AP1AR: variants seen among roughly 807,000 people sequenced by gnomAD.
AP1AR encodes the protein AP-1 complex-associated regulatory protein.
Under a neutral mutation model 46.3 loss-of-function variants are expected in AP1AR, and 29 were observed. The ratio of observed to expected loss-of-function variants is 0.63; its 90% CI spans 0.47 to 0.85. The LOEUF is 0.85. AP1AR is among the 40% of genes least tolerant of loss of function. The pLI is 0.00. For missense variants in AP1AR, 357 were observed against 356.3 expected (o/e 1.00, Z -0.02); for synonymous variants, 122 against 122.9 (o/e 0.99, Z 0.05).
chr4:112,250,905 A>G (rs1271321354), intron 1 of AP1AR, among the ~76,000 whole-genome samples: 2 of 152,112 alleles, frequency 1.3e-5, no homozygotes, highest in African/African-American at 4.8e-5. Flanking sequence ...ACTTATATTC[A>G]TGTTTATTAA....
chr4:112,249,258 T>C (rs1448238780), intron 1 of AP1AR, among the ~76,000 whole-genome samples: 3 of 151,188 alleles, frequency 2.0e-5, no homozygotes, highest in Admixed American at 2.0e-4. Context: ...GCCATTGCAC[T>C]CCAGCCTGGG....
intron 4 of AP1AR, among the ~76,000 whole-genome samples, chr4:112,260,445 G>A (rs1350933985): frequency 6.6e-6 from 1 of 152,214 alleles, no homozygotes; most frequent in Non-Finnish European, 1.5e-5. Context: ...TTGGGATATG[G>A]TTTGGGGTAT....
At chr4:112,232,297 G>A in intron 1 of AP1AR, 123 bp downstream of exon 1, 1 of 825,382 alleles carries the variant, frequency 1.2e-6, no homozygotes, top group Non-Finnish European at 1.6e-6. Context: ...TACACTCACT[G>A]CTTAGCAGAC....
At chr4:112,234,119 A>G (rs1260007772) in intron 1 of AP1AR, among the ~76,000 whole-genome samples, 1 of 152,202 alleles carries the variant, frequency 6.6e-6, no homozygotes, top group Non-Finnish European at 1.5e-5. Context: ...TTGGCCTCCC[A>G]AAGTGCTGGG....
intron 9 of AP1AR, among the ~76,000 whole-genome samples, chr4:112,267,043 T>G (rs542168116): frequency 6.6e-6 from 1 of 151,886 alleles, no homozygotes; most frequent in Non-Finnish European, 1.5e-5. Flanking sequence ...ATATAACTTC[T>G]CTTAGAAATA....
At chr4:112,249,180 G>A (rs1389983285) in intron 1 of AP1AR, among the ~76,000 whole-genome samples, 2 of 152,136 alleles carry the variant, frequency 1.3e-5, no homozygotes, top group African/African-American at 4.8e-5. Context: ...TGTAATCCCA[G>A]CTACTCGGGA....
chr4:112,265,852 A>G, intron 8 of AP1AR, 45 bp downstream of exon 8: 1 of 1,246,608 alleles, frequency 8.0e-7, no homozygotes, highest in South Asian at 1.3e-5. Context: ...GCCACAGTAA[A>G]CAGATAAGTA....
At chr4:112,250,482 G>A (rs748277331) in intron 1 of AP1AR, among the ~76,000 whole-genome samples, 24 of 152,180 alleles carry the variant, frequency 1.6e-4, no homozygotes, top group South Asian at 2.1e-4. Flanking sequence ...TTGGCAAAAT[G>A]TCAGTGACTG....
chr4:112,257,611 A>G (rs1168045502), intron 3 of AP1AR, among the ~76,000 whole-genome samples, 161 bp from the exon 4 acceptor site: 1 of 152,216 alleles, frequency 6.6e-6, no homozygotes, highest in African/African-American at 2.4e-5. Flanking sequence ...TTTTGTTTCA[A>G]ATATTTTTAA....
In AP1AR at chr4:112,270,558, A is replaced by G. The variant is rs981650308; in HGVS notation, c.*2149A>G. Among the ~76,000 whole-genome samples, 1 of 152,252 alleles carries G rather than the reference A, an allele frequency of 6.6e-6. No homozygotes were observed. Among genetic ancestry groups the G allele is most frequent in the Non-Finnish European group, 1.5e-5 (1 of 68,040 alleles). ...TTTAAGTTTTAGTTGTTAACTTGTT[A>G]ATTGTTTACTTGGCTAAAACCTAAT... is the stretch of plus-strand genomic sequence containing the variant. On this transcript the variant is annotated 3_prime_UTR_variant, in exon 10 of 10. Transcript: ENST00000274000.
intron 8 of AP1AR, 126 bp from the exon 9 acceptor site, chr4:112,266,462 T>C (rs1293027546): frequency 7.9e-5 from 77 of 971,896 alleles, no homozygotes; most frequent in Middle Eastern, 3.3e-4. Flanking sequence ...ATTTCCAGAA[T>C]TATTTCTTAT....
intron 1 of AP1AR, among the ~76,000 whole-genome samples, chr4:112,248,991 C>T (rs954439801): frequency 3.9e-5 from 6 of 152,234 alleles, no homozygotes; most frequent in African/African-American, 1.2e-4. Flanking sequence ...CTTGACCACC[C>T]TACATAAAAT....
At chr4:112,244,298 A>T (rs1457879009) in intron 1 of AP1AR, among the ~76,000 whole-genome samples, 2 of 152,294 alleles carry the variant, frequency 1.3e-5, no homozygotes, top group East Asian at 1.9e-4. Flanking sequence ...AGCAATTTTA[A>T]TGGAAGAGCA....
At chr4:112,265,136 C>A in intron 7 of AP1AR, 69 bp downstream of exon 7, 1 of 1,246,958 alleles carries the variant, frequency 8.0e-7, no homozygotes. Flanking sequence ...GAGCATCATT[C>A]ACCTCAAGAT....
chr4:112,260,055 A>C (rs148099380), intron 4 of AP1AR, among the ~76,000 whole-genome samples: 1 of 152,192 alleles, frequency 6.6e-6, no homozygotes, highest in Non-Finnish European at 1.5e-5. Context: ...TAAAAGGACT[A>C]CTGCTGGGGT....
At chr4:112,234,909 A>T (rs550687445) in intron 1 of AP1AR, among the ~76,000 whole-genome samples, 1 of 152,292 alleles carries the variant, frequency 6.6e-6, no homozygotes, top group South Asian at 2.1e-4. Context: ...TACCCCTGAG[A>T]AATCTGAAAA....
At position 112,269,093 on chromosome 4, in the gene AP1AR, G is replaced by GATATATATATATATAT. The variant is rs60391724; in HGVS notation, c.*687_*702dup. 2.1e-5 allele frequency: 3 copies of GATATATATATATATAT among 146,154 alleles called. No homozygotes were observed. Among genetic ancestry groups the GATATATATATATATAT allele is most frequent in the East Asian group, 2.0e-4 (1 of 5,062 alleles). The allele number at this position is 146,154 out of a possible 1,614,324, so 9.1% of individuals were successfully genotyped here. On this transcript the variant is annotated 3_prime_UTR_variant, in exon 10 of 10. Transcript: ENST00000274000. ...AATAATAAAAAATAATATTTAAGAA[G>GATATATATATATATAT]ATATATATATATATATATTTAGTTT...
At chr4:112,247,174 A>T (rs558657788) in intron 1 of AP1AR, among the ~76,000 whole-genome samples, 25 of 152,302 alleles carry the variant, frequency 1.6e-4, no homozygotes, top group African/African-American at 6.0e-4. Context: ...ATATGTATGT[A>T]TTGGTAGTAA....
chr4:112,232,571 C>G (rs1189407903), intron 1 of AP1AR, among the ~76,000 whole-genome samples: 1 of 152,246 alleles, frequency 6.6e-6, no homozygotes, highest in Non-Finnish European at 1.5e-5. Context: ...CTGACCCTCT[C>G]TTTAGCCCTG....
Sources: allele counts gnomAD v4.1 joint callset (sites outside exome capture counted in the v4.1 genomes callset), GRCh38; gene constraint gnomAD v4.1.1; transcripts MANE v1.5; gene names NCBI Gene and HGNC (gene_info 2026-07-23, HGNC 2026-07-21).